Variants in KCNT2 observed in about 807,000 individuals in gnomAD.
KCNT2 encodes the protein potassium channel subfamily T member 2.
A neutral mutation model predicts 153.8 loss-of-function variants in KCNT2; 67 were observed. That is an observed-to-expected ratio of 0.44 (90% CI 0.36 to 0.53). The LOEUF (loss-of-function observed/expected upper bound fraction) is 0.53, where lower values mean the gene tolerates loss of function less well. Ranked by LOEUF, KCNT2 falls within the 20% of genes least tolerant of loss-of-function variation. The pLI is 0.00. For missense variants in KCNT2, 975 were observed against 1,354.8 expected, an observed-to-expected ratio of 0.72 and a Z score of 4.40; for synonymous variants, 500 against 458.8, an observed-to-expected ratio of 1.09 and a Z score of -1.15.
Position 196,474,843 on chromosome 1 carries a change from T to A in KCNT2, c.384+4336A>T, listed in dbSNP as rs1174769048. The stretch of plus-strand genomic sequence containing the variant: ...TTTGCCAACTAGCTATAAACATGAA[T>A]GGAATGATGATTTAAGCACAGACCT... On this transcript the variant is annotated intron_variant, in intron 5 of 27. Coordinates refer to ENST00000294725, the MANE Select transcript of KCNT2 (RefSeq NM_198503.5). Among the ~76,000 whole-genome samples the A allele has an allele frequency of 2.0e-5, 3 of 152,188 alleles. No homozygotes were observed. In the East Asian group the frequency reaches 5.8e-4, roughly 29 times the overall value.
chr1:196,363,595 T>A lies in KCNT2; in HGVS notation c.1403+9545A>T, dbSNP rs150850644. Among the ~76,000 whole-genome samples, 85 of 152,270 alleles carry A rather than the reference T, an allele frequency of 5.6e-4. No individual in the cohort carries two copies. The Middle Eastern group carries it at 0.017, about 30-fold the overall frequency. ...TGCCTCATAGAATGGATTAACATCCTATGGCTGGAGAATGGGTTTGTTATA... is the reference window on the plus strand; with the variant it reads ...TGCCTCATAGAATGGATTAACATCCAATGGCTGGAGAATGGGTTTGTTATA... On this transcript the variant is annotated intron_variant, in intron 14 of 27. Coordinates refer to ENST00000294725, the MANE Select transcript of KCNT2 (RefSeq NM_198503.5).
chr1:196,268,281 T>C (rs1657734601), intron 25 of KCNT2, among the ~76,000 whole-genome samples: 1 of 152,124 alleles, frequency 6.6e-6, no homozygotes, highest in South Asian at 2.1e-4. Flanking sequence ...ATAATCAAGG[T>C]CACACATGTC....
intron 1 of KCNT2, among the ~76,000 whole-genome samples, chr1:196,533,768 T>C (rs569375874): frequency 9.9e-5 from 15 of 152,248 alleles, no homozygotes; most frequent in African/African-American, 3.4e-4. Context: ...TTTGTTTTCA[T>C]AGAGCTCTTA....
At chr1:196,459,074 C>A (rs1676929213) in intron 8 of KCNT2, among the ~76,000 whole-genome samples, 1 of 151,636 alleles carries the variant, frequency 6.6e-6, no homozygotes, top group Non-Finnish European at 1.5e-5. Context: ...AACATACGAT[C>A]ATTTGAGATG....
chr1:196,562,402 C>T (rs1039112917), intron 1 of KCNT2, among the ~76,000 whole-genome samples: 2 of 151,878 alleles, frequency 1.3e-5, no homozygotes, highest in African/African-American at 2.4e-5. Context: ...CACCTCCTTA[C>T]CATCATGGCC....
chr1:196,248,162 A>G (rs994233141), intron 26 of KCNT2, among the ~76,000 whole-genome samples: 2 of 152,144 alleles, frequency 1.3e-5, no homozygotes, highest in Non-Finnish European at 2.9e-5. Flanking sequence ...ACTTAGAGGA[A>G]AATTTATAGC....
chr1:196,447,696 A>C (rs764818813), intron 8 of KCNT2, among the ~76,000 whole-genome samples: 26 of 151,540 alleles, frequency 1.7e-4, no homozygotes, highest in Non-Finnish European at 3.8e-4. Flanking sequence ...CAGATATGCC[A>C]AGTTTTTTTC....
At chr1:196,271,735 G>A (rs1445926681) in intron 25 of KCNT2, among the ~76,000 whole-genome samples, 3 of 151,988 alleles carry the variant, frequency 2.0e-5, no homozygotes, top group Admixed American at 6.6e-5. Context: ...GTCTGCGAGT[G>A]TGTGTTTGTG....
chr1:196,322,319 T>C (rs1572033704), intron 19 of KCNT2, among the ~76,000 whole-genome samples: 1 of 151,758 alleles, frequency 6.6e-6, no homozygotes, highest in East Asian at 1.9e-4. Context: ...TTGCTTAATA[T>C]ATAAAGAAGT....
At chr1:196,554,892 G>A (rs1030641665) in intron 1 of KCNT2, among the ~76,000 whole-genome samples, 4 of 151,094 alleles carry the variant, frequency 2.6e-5, no homozygotes, top group African/African-American at 7.3e-5. Flanking sequence ...AAAAATATAC[G>A]ATTATTTAAA....
rs1662319580 is a variant in KCNT2, at chr1:196,312,797, T to C, written c.2483+3095A>G. ...AAAGATACTATTCCCGCATGCATAA[T>C]TAATGTATAAGAATTTAGTTCTCTT... On this transcript the variant is annotated intron_variant, in intron 21 of 27. Coordinates refer to ENST00000294725, the MANE Select transcript of KCNT2 (RefSeq NM_198503.5). Among the ~76,000 whole-genome samples, 4 of 151,832 alleles carry C rather than the reference T, an allele frequency of 2.6e-5. No homozygotes were observed. In the South Asian group the frequency reaches 8.3e-4, roughly 31 times the overall value.
intron 8 of KCNT2, among the ~76,000 whole-genome samples, chr1:196,449,041 T>C (rs1230494292): frequency 6.6e-6 from 1 of 151,720 alleles, no homozygotes; most frequent in Non-Finnish European, 1.5e-5. Flanking sequence ...TTTGAATTTA[T>C]AATCATAAAA....
chr1:196,514,498 T>C (rs1411829030), intron 1 of KCNT2, among the ~76,000 whole-genome samples: 1 of 152,172 alleles, frequency 6.6e-6, no homozygotes, highest in East Asian at 1.9e-4. Context: ...CTGAAAAACA[T>C]TTTTCTTACT....
intron 14 of KCNT2, among the ~76,000 whole-genome samples, chr1:196,370,703 T>G (rs1463183589): frequency 1.3e-5 from 2 of 152,142 alleles, no homozygotes; most frequent in African/African-American, 2.4e-5. Flanking sequence ...ATTCTACTCC[T>G]AGATATAGAC....
intron 18 of KCNT2, among the ~76,000 whole-genome samples, chr1:196,327,808 A>G (rs1404082161): frequency 6.6e-6 from 1 of 151,846 alleles, no homozygotes; most frequent in Admixed American, 6.6e-5. Flanking sequence ...CTGGGACTAC[A>G]GGTGGGCACC....
intron 1 of KCNT2, among the ~76,000 whole-genome samples, chr1:196,518,935 T>C (rs1652974200): frequency 1.3e-5 from 2 of 152,060 alleles, no homozygotes; most frequent in South Asian, 4.1e-4. Flanking sequence ...CATTGGACCA[T>C]ATGGGTATGA....
intron 1 of KCNT2, among the ~76,000 whole-genome samples, chr1:196,499,417 G>C (rs760910105): frequency 1.3e-5 from 2 of 152,156 alleles, no homozygotes; most frequent in Non-Finnish European, 2.9e-5. Flanking sequence ...ATTGAGTTTT[G>C]TCCATGCTTA....
chr1:196,423,339 T>G (rs934855886), intron 11 of KCNT2, among the ~76,000 whole-genome samples: 2 of 151,924 alleles, frequency 1.3e-5, no homozygotes, highest in Admixed American at 6.6e-5. Context: ...TAATGTTTTA[T>G]GACAAAAGTT....
At chr1:196,279,795 C>A (rs1658923846) in intron 25 of KCNT2, among the ~76,000 whole-genome samples, 1 of 151,732 alleles carries the variant, frequency 6.6e-6, no homozygotes, top group African/African-American at 2.4e-5. Context: ...AAAAACTAAC[C>A]TATTTTCTGC....
Sources: allele counts gnomAD v4.1 joint callset (sites outside exome capture counted in the v4.1 genomes callset), GRCh38; gene constraint gnomAD v4.1.1; transcripts MANE v1.5; gene names NCBI Gene and HGNC (gene_info 2026-07-23, HGNC 2026-07-21).